GRIA1: variants seen among roughly 807,000 people sequenced by gnomAD.
The protein encoded by GRIA1 is glutamate receptor 1.
In GRIA1, 31 loss-of-function variants were observed where a neutral mutation model predicts 99.2. That is an observed-to-expected ratio of 0.31 (90% confidence interval 0.23 to 0.42). The LOEUF is 0.42. Among genes scored for constraint, GRIA1 ranks in the 10% least tolerant of loss-of-function variants. GRIA1 has a pLI of 1.00. For synonymous variants in GRIA1, 438 were observed against 432.4 expected (o/e 1.01, Z -0.16); for missense variants, 782 against 1,157.5 (o/e 0.68, Z 4.71).
At chr5:153,606,368 G>C (rs1561683540) in intron 2 of GRIA1, among the ~76,000 whole-genome samples, 1 of 151,888 alleles carries the variant, frequency 6.6e-6, no homozygotes. Flanking sequence ...TTTCAAAATT[G>C]TTTTGGCTAT....
chr5:153,804,487 G>T (rs1024429258), intron 15 of GRIA1, among the ~76,000 whole-genome samples: 3 of 152,148 alleles, frequency 2.0e-5, no homozygotes, highest in African/African-American at 7.2e-5. Context: ...GCTACAACCT[G>T]TACCATCCCT....
At chr5:153,591,037 G>C (rs1184543962) in intron 2 of GRIA1, among the ~76,000 whole-genome samples, 3 of 152,150 alleles carry the variant, frequency 2.0e-5, no homozygotes, top group African/African-American at 4.8e-5. Context: ...GTTCCTTCTT[G>C]ACCCAGTCCT....
intron 13 of GRIA1, among the ~76,000 whole-genome samples, chr5:153,773,260 G>A (rs1764000016): frequency 6.6e-6 from 1 of 152,204 alleles, no homozygotes; most frequent in Non-Finnish European, 1.5e-5. Context: ...CAGCTAATAA[G>A]GTAGAAGCCA....
At chr5:153,588,741 C>A (rs1763714422) in intron 2 of GRIA1, among the ~76,000 whole-genome samples, 1 of 152,074 alleles carries the variant, frequency 6.6e-6, no homozygotes, top group South Asian at 2.1e-4. Flanking sequence ...GTCTATTAGA[C>A]TATACAGCCT....
Position 153,782,135 on chromosome 5 carries a change from G to A in GRIA1, c.2270+11720G>A, listed in dbSNP as rs139434800. 2.7e-3 allele frequency among the ~76,000 whole-genome samples: 418 copies of A among 152,294 alleles called. 4 individuals carry two copies. Among genetic ancestry groups the A allele is most frequent in the African/African-American group, 9.8e-3 (408 of 41,560 alleles). On this transcript the variant is annotated intron_variant, in intron 13 of 15. Transcript: ENST00000285900. ...GCAAGCAATCTCTAAATTCTCATAT[G>A]CATTTCCTAATTTATGTAATCCTCA... is the stretch of plus-strand genomic sequence containing the variant.
intron 2 of GRIA1, among the ~76,000 whole-genome samples, chr5:153,588,271 A>G (rs17519935): frequency 1.3e-5 from 2 of 152,026 alleles, no homozygotes; most frequent in African/African-American, 4.8e-5. Flanking sequence ...CTTCTGGCTC[A>G]TTTTGTGCAC....
At chr5:153,750,824 A>G (rs1054999858) in intron 11 of GRIA1, among the ~76,000 whole-genome samples, 2 of 152,212 alleles carry the variant, frequency 1.3e-5, no homozygotes, top group African/African-American at 4.8e-5. Flanking sequence ...CAGGCCGGGC[A>G]TGGTGGCTTA....
intron 3 of GRIA1, 68 bp from the exon 4 acceptor site, chr5:153,650,262 G>C (rs1172730230): frequency 2.1e-6 from 3 of 1,421,366 alleles, no homozygotes; most frequent in Non-Finnish European, 2.9e-6. Flanking sequence ...GTAGGTGCCT[G>C]ATGGGAGTGG....
chr5:153,635,928 G>A (rs536448830), intron 2 of GRIA1, among the ~76,000 whole-genome samples: 2 of 152,300 alleles, frequency 1.3e-5, no homozygotes, highest in South Asian at 4.1e-4. Context: ...CTAAGAAGAG[G>A]AAGCCTGGAA....
chr5:153,794,021 C>G (rs1011123313), intron 13 of GRIA1, among the ~76,000 whole-genome samples: 1 of 152,190 alleles, frequency 6.6e-6, no homozygotes, highest in Non-Finnish European at 1.5e-5. Flanking sequence ...TTTAATTACA[C>G]CTTAATCTGA....
At chr5:153,732,833 T>C (rs1379503649) in intron 11 of GRIA1, among the ~76,000 whole-genome samples, 3 of 152,028 alleles carry the variant, frequency 2.0e-5, no homozygotes, top group Admixed American at 6.6e-5. Context: ...TATGTTTTCT[T>C]CTAGGAGTTT....
At chr5:153,732,417 C>G (rs943245052) in intron 11 of GRIA1, among the ~76,000 whole-genome samples, 3 of 152,116 alleles carry the variant, frequency 2.0e-5, no homozygotes, top group Non-Finnish European at 4.4e-5. Context: ...AATAACCATT[C>G]TAAGAATTGT....
intron 2 of GRIA1, among the ~76,000 whole-genome samples, chr5:153,646,504 G>C (rs905930230): frequency 4.6e-5 from 7 of 152,054 alleles, no homozygotes; most frequent in African/African-American, 1.7e-4. Flanking sequence ...CTGAGCCTTG[G>C]TTTCTCCCCT....
At chr5:153,672,783 T>C (rs1274147955) in intron 5 of GRIA1, among the ~76,000 whole-genome samples, 1 of 152,292 alleles carries the variant, frequency 6.6e-6, no homozygotes, top group South Asian at 2.1e-4. Context: ...CCATCGACCA[T>C]GGATCCCCTG....
In GRIA1 at chr5:153,674,592, C is replaced by G; in HGVS notation, c.792C>G (p.Ala264=). Residue 264 remains alanine, a synonymous_variant, in exon 6 of 16, where the codon GCC becomes GCG. Transcript: ENST00000285900. The part of the protein sequence containing the change: ...QLVNYTDTIP[A]KIMQQWKNSD... Reference sequence around the variant, plus strand: ...TGAACTACACAGACACTATTCCGGCCAAGATCATGCAGCAGTGGAAGAATA... The same window carrying G: ...TGAACTACACAGACACTATTCCGGCGAAGATCATGCAGCAGTGGAAGAATA... 1 of 1,614,060 alleles carries G rather than the reference C, an allele frequency of 6.2e-7. No homozygotes were observed. Among genetic ancestry groups the G allele is most frequent in the Non-Finnish European group, 8.5e-7 (1 of 1,179,988 alleles).
chr5:153,644,709 G>A (rs74318284), intron 2 of GRIA1, among the ~76,000 whole-genome samples: 11,319 of 152,010 alleles, frequency 0.074, 555 homozygotes, highest in Non-Finnish European at 0.11. Flanking sequence ...TTTAGAAGAG[G>A]TGATGAAGCA....
At chr5:153,535,901 G>A (rs568941239) in intron 2 of GRIA1, among the ~76,000 whole-genome samples, 2 of 152,274 alleles carry the variant, frequency 1.3e-5, no homozygotes, top group East Asian at 1.9e-4. Context: ...AATCTGTCAC[G>A]CTGTCAATGG....
intron 2 of GRIA1, among the ~76,000 whole-genome samples, chr5:153,593,258 T>C (rs1327301608): frequency 6.6e-6 from 1 of 151,924 alleles, no homozygotes; most frequent in Non-Finnish European, 1.5e-5. Flanking sequence ...CAGAGTAAAA[T>C]TCCATCTCAA....
intron 2 of GRIA1, among the ~76,000 whole-genome samples, chr5:153,643,897 C>A (rs1209931306): frequency 6.6e-6 from 1 of 152,210 alleles, no homozygotes; most frequent in Admixed American, 6.5e-5. Context: ...CCATCTCACC[C>A]TTTCCTACTT....
Sources: gnomAD v4.1 joint callset for allele counts (sites outside exome capture counted in the v4.1 genomes callset) on GRCh38, gnomAD v4.1.1 for gene constraint, MANE v1.5 for transcripts, NCBI Gene and HGNC (gene_info 2026-07-23, HGNC 2026-07-21) for gene names.